Variants in AGBL4 observed in about 807,000 individuals in gnomAD.
AGBL4 encodes AGBL carboxypeptidase 4.
AGBL4 carries 58 observed loss-of-function variants against 66.4 expected under a neutral mutation model. The observed-to-expected ratio is 0.87, with a 90% CI of 0.71 to 1.09. The LOEUF (loss-of-function observed/expected upper bound fraction) is 1.09. Ranked by LOEUF, AGBL4 falls within the 50% of genes least tolerant of loss-of-function variation. The pLI is 0.00. For missense variants in AGBL4, 579 were observed against 631.0 expected, an observed-to-expected ratio of 0.92 and a Z score of 0.88; for synonymous variants, 234 against 222.9, an observed-to-expected ratio of 1.05 and a Z score of -0.44.
At chr1:48,883,478 A>G (rs1428219589) in intron 5 of AGBL4, among the ~76,000 whole-genome samples, 1 of 152,238 alleles carries the variant, frequency 6.6e-6, no homozygotes, top group Non-Finnish European at 1.5e-5. Flanking sequence ...TGCCAAAATT[A>G]TCAGATGATA....
At chr1:49,630,602 T>A (rs1645551661) in intron 3 of AGBL4, among the ~76,000 whole-genome samples, 1 of 152,160 alleles carries the variant, frequency 6.6e-6, no homozygotes. Flanking sequence ...TTCTTGCATA[T>A]CCAGTCTTAC....
intron 1 of AGBL4, among the ~76,000 whole-genome samples, chr1:49,920,591 A>T (rs1413424472): frequency 6.6e-6 from 1 of 152,170 alleles, no homozygotes; most frequent in East Asian, 1.9e-4. Context: ...TCAGGAAACA[A>T]CAGGTGCTGG....
At chr1:48,683,567 G>T (rs1051662747) in intron 6 of AGBL4, among the ~76,000 whole-genome samples, 17 of 149,014 alleles carry the variant, frequency 1.1e-4, no homozygotes, top group Admixed American at 4.6e-4. Flanking sequence ...CACAAAAAGC[G>T]TGTTCAAAAA....
intron 4 of AGBL4, among the ~76,000 whole-genome samples, chr1:49,202,733 G>A (rs1367872518): frequency 6.6e-6 from 1 of 151,832 alleles, no homozygotes; most frequent in East Asian, 1.9e-4. Context: ...CAAAAGCACA[G>A]CAAAAAAAGC....
At chr1:48,966,995 G>C (rs1461122944) in intron 5 of AGBL4, among the ~76,000 whole-genome samples, 3 of 151,798 alleles carry the variant, frequency 2.0e-5, no homozygotes, top group Non-Finnish European at 1.5e-5. Context: ...GTCTCAAAAA[G>C]AGAGCCATAT....
intron 3 of AGBL4, among the ~76,000 whole-genome samples, chr1:49,406,922 A>G (rs553760470): frequency 2.0e-5 from 3 of 151,988 alleles, no homozygotes; most frequent in East Asian, 3.9e-4. Context: ...AAAATTAGCC[A>G]GGCGTGGTGG....
chr1:49,051,371 C>T (rs190090751), intron 4 of AGBL4, among the ~76,000 whole-genome samples: 2 of 152,258 alleles, frequency 1.3e-5, no homozygotes, highest in East Asian at 3.9e-4. Flanking sequence ...ATTCTTCCCA[C>T]CATTCCAAGG....
At chr1:49,428,180 C>CT (rs1473285778) in intron 3 of AGBL4, among the ~76,000 whole-genome samples, 1 of 152,156 alleles carries the variant, frequency 6.6e-6, no homozygotes, top group Non-Finnish European at 1.5e-5. Context: ...TAGTTACTAA[C>CT]TTTTTTTCCA....
chr1:49,123,672 C>T (rs1036869493), intron 4 of AGBL4, among the ~76,000 whole-genome samples: 2 of 152,124 alleles, frequency 1.3e-5, no homozygotes, highest in Non-Finnish European at 2.9e-5. Flanking sequence ...ATATAATAAA[C>T]TCTACTCCTT....
At chr1:48,537,229 G>T (rs2148255981) in intron 12 of AGBL4, among the ~76,000 whole-genome samples, 1 of 152,250 alleles carries the variant, frequency 6.6e-6, no homozygotes, top group Non-Finnish European at 1.5e-5. Flanking sequence ...GAGCTAAATG[G>T]TGCTCACAGT....
rs112867396 is a variant in AGBL4 at position 49,797,137 on chromosome 1, T to C, written c.157+54259A>G. ...AAATTTTTTATCAACTTTCTATTCA[T>C]AAAATAACGATATTAGTAAATCCTG... On this transcript the variant is annotated intron_variant, in intron 2 of 13. Transcript: ENST00000371839. Among the ~76,000 whole-genome samples the C allele has an allele frequency of 4.5e-3, 678 of 152,284 alleles. 9 individuals carry two copies. The highest frequency in any genetic ancestry group is 0.015 in the African/African-American group (633 of 41,564).
chr1:48,653,288 C>G (rs746370885), intron 8 of AGBL4, 49 bp downstream of exon 8: 2 of 1,415,600 alleles, frequency 1.4e-6, no homozygotes, highest in East Asian at 5.0e-5. Context: ...TGCTTCCATA[C>G]TACCATCCTA....
chr1:49,195,986 ATTC>A (rs1227549866), intron 4 of AGBL4, among the ~76,000 whole-genome samples: 1 of 151,986 alleles, frequency 6.6e-6, no homozygotes, highest in Non-Finnish European at 1.5e-5. Context: ...TTCGCTCCTC[ATTC>A]TTCTCTCTCC....
chr1:49,898,410 A>G (rs1221514762), intron 1 of AGBL4, among the ~76,000 whole-genome samples: 1 of 152,104 alleles, frequency 6.6e-6, no homozygotes, highest in Non-Finnish European at 1.5e-5. Context: ...CAAAACTATA[A>G]AGAGATATCA....
intron 1 of AGBL4, among the ~76,000 whole-genome samples, chr1:49,865,025 C>T (rs1288866111): frequency 6.6e-6 from 1 of 152,214 alleles, no homozygotes; most frequent in Non-Finnish European, 1.5e-5. Flanking sequence ...GATCCAGACC[C>T]ATCCTTCATC....
intron 1 of AGBL4, among the ~76,000 whole-genome samples, chr1:49,936,166 A>T (rs1653987204): frequency 6.6e-6 from 1 of 152,240 alleles, no homozygotes; most frequent in African/African-American, 2.4e-5. Context: ...CTGAAAGCCG[A>T]GGCTCGAGAA....
chr1:49,387,363 C>T lies in AGBL4; in HGVS notation c.283-141499G>A, dbSNP rs1557892630. Among the ~76,000 whole-genome samples the T allele has an allele frequency of 2.0e-5, 3 of 151,772 alleles. No homozygotes were observed. The South Asian group carries it at 6.2e-4, about 31-fold the overall frequency. ...CTTTCTAAAAGAAGCTCTTGATAAT[C>T]ATTTATGCCTCACTTTTAATTAAGC... On this transcript the variant is annotated intron_variant, in intron 3 of 13. Coordinates refer to ENST00000371839, the MANE Select transcript of AGBL4 (RefSeq NM_032785.4).
At chr1:49,530,089 G>T (rs1353374411) in intron 3 of AGBL4, among the ~76,000 whole-genome samples, 1 of 151,382 alleles carries the variant, frequency 6.6e-6, no homozygotes, top group Non-Finnish European at 1.5e-5. Flanking sequence ...TCTGTACATG[G>T]TATGAAACTA....
intron 2 of AGBL4, among the ~76,000 whole-genome samples, chr1:49,824,347 C>T (rs1406859972): frequency 6.6e-6 from 1 of 152,150 alleles, no homozygotes; most frequent in African/African-American, 2.4e-5. Context: ...GTTATACAAG[C>T]AACCTCTGTC....
Sources: allele counts gnomAD v4.1 joint callset (sites outside exome capture counted in the v4.1 genomes callset), GRCh38; gene constraint gnomAD v4.1.1; transcripts MANE v1.5; gene names NCBI Gene and HGNC (gene_info 2026-07-23, HGNC 2026-07-21).